The following HECW1 variants were observed in gnomAD, a reference collection of about 807,000 sequenced individuals.
The protein encoded by HECW1 is E3 ubiquitin-protein ligase HECW1.
Under a neutral mutation model 182.3 loss-of-function variants are expected in HECW1, and 61 were observed. The observed-to-expected ratio is 0.33, with a 90% CI of 0.27 to 0.41. The LOEUF is 0.41. Ranked by LOEUF, HECW1 falls within the 10% of genes least tolerant of loss-of-function variation. The pLI, the probability that HECW1 is intolerant of heterozygous loss-of-function variation, is 1.00. For missense variants in HECW1, 1,739 were observed against 2,108.9 expected (o/e 0.82, Z 3.44); for synonymous variants, 859 against 832.6 (o/e 1.03, Z -0.55).
chr7:43,235,591 T>G (rs914086912), intron 2 of HECW1, among the ~76,000 whole-genome samples: 1 of 152,174 alleles, frequency 6.6e-6, no homozygotes, highest in African/African-American at 2.4e-5. Flanking sequence ...AAACAGGAAT[T>G]TAATCCATAC....
chr7:43,474,113 AGTG>A (rs898310265), intron 16 of HECW1, among the ~76,000 whole-genome samples: 22 of 152,198 alleles, frequency 1.4e-4, no homozygotes, highest in African/African-American at 4.8e-4. Flanking sequence ...CAGAAAAACC[AGTG>A]GTGATGTATT....
intron 3 of HECW1, among the ~76,000 whole-genome samples, chr7:43,291,297 C>T (rs1353400929): frequency 6.6e-6 from 1 of 152,186 alleles, no homozygotes; most frequent in African/African-American, 2.4e-5. Context: ...CTGTGTCTTG[C>T]ATCCATTGGC....
intron 3 of HECW1, among the ~76,000 whole-genome samples, chr7:43,290,659 G>T (rs1415152259): frequency 6.6e-6 from 1 of 152,156 alleles, no homozygotes; most frequent in East Asian, 1.9e-4. Flanking sequence ...TTTATTTTTG[G>T]TTTACAGTCC....
intron 5 of HECW1, among the ~76,000 whole-genome samples, chr7:43,348,598 A>G (rs1813988881): frequency 1.3e-5 from 2 of 152,004 alleles, no homozygotes; most frequent in South Asian, 2.1e-4. Context: ...TCCTTGAGAT[A>G]TGACTTAAAC....
At chr7:43,394,479 T>A (rs2075158011) in intron 6 of HECW1, among the ~76,000 whole-genome samples, 1 of 152,214 alleles carries the variant, frequency 6.6e-6, no homozygotes, top group South Asian at 2.1e-4. Flanking sequence ...ATTTGGGTGA[T>A]GTTAACTGGG....
At chr7:43,200,955 T>C (rs548190428) in intron 2 of HECW1, among the ~76,000 whole-genome samples, 1 of 152,340 alleles carries the variant, frequency 6.6e-6, no homozygotes, top group East Asian at 1.9e-4. Flanking sequence ...TAACCCTTTC[T>C]TCATTTTCCA....
chr7:43,175,318 T>C (rs1034713521), intron 2 of HECW1, among the ~76,000 whole-genome samples: 1 of 152,202 alleles, frequency 6.6e-6, no homozygotes. Context: ...AATACATTGT[T>C]ATAGCTACAG....
intron 24 of HECW1, chr7:43,510,840 C>G (rs1004515674): frequency 3.9e-5 from 6 of 152,146 alleles, no homozygotes; most frequent in African/African-American, 1.4e-4. Flanking sequence ...AGTGCAGCCA[C>G]AAAATAAGGC....
At chr7:43,457,791 A>T (rs1271507891) in intron 13 of HECW1, among the ~76,000 whole-genome samples, 1 of 151,934 alleles carries the variant, frequency 6.6e-6, no homozygotes, top group Non-Finnish European at 1.5e-5. Context: ...AAAAAAACAA[A>T]CAAAAAACAT....
At chr7:43,121,998 C>T (rs1785670977) in intron 2 of HECW1, 1 of 152,162 alleles carries the variant, frequency 6.6e-6, no homozygotes, top group African/African-American at 2.4e-5. Flanking sequence ...CATGTTGTGT[C>T]CACAAAATGC....
chr7:43,205,372 T>G (rs1562672355), intron 2 of HECW1, among the ~76,000 whole-genome samples: 1 of 152,206 alleles, frequency 6.6e-6, no homozygotes, highest in Admixed American at 6.5e-5. Context: ...TCGGCAGCAT[T>G]GAGTTTTCTC....
At chr7:43,250,595 T>G (rs981633143) in intron 3 of HECW1, among the ~76,000 whole-genome samples, 2 of 152,092 alleles carry the variant, frequency 1.3e-5, no homozygotes, top group Non-Finnish European at 2.9e-5. Context: ...GCCAGGAACG[T>G]CCTGTGTGTA....
intron 7 of HECW1, among the ~76,000 whole-genome samples, chr7:43,403,416 G>C (rs1225705175): frequency 6.6e-6 from 1 of 152,190 alleles, no homozygotes; most frequent in Non-Finnish European, 1.5e-5. Flanking sequence ...TTATTATGCA[G>C]ATTCGTCTGG....
intron 8 of HECW1, among the ~76,000 whole-genome samples, chr7:43,410,790 T>A (rs959885511): frequency 1.3e-5 from 2 of 152,206 alleles, no homozygotes; most frequent in African/African-American, 4.8e-5. Context: ...TTGTTTGGCA[T>A]AAAGTTGTTC....
intron 12 of HECW1, among the ~76,000 whole-genome samples, chr7:43,455,116 CTTTTTGTTTTCTTTT>C (rs920388029): frequency 1.3e-5 from 2 of 149,256 alleles, no homozygotes; most frequent in South Asian, 2.2e-4. Flanking sequence ...ATGCTTCCAC[CTTTTTGTTTTCTTTT>C]TTTTTGTTTT....
chr7:43,134,122 C>T (rs962508718), intron 2 of HECW1, among the ~76,000 whole-genome samples: 5 of 151,860 alleles, frequency 3.3e-5, no homozygotes, highest in South Asian at 2.1e-4. Context: ...AATTTGTGGC[C>T]GGGCATGGTG....
At chr7:43,546,558 T>G (rs1344279448) in intron 26 of HECW1, among the ~76,000 whole-genome samples, 2 of 151,796 alleles carry the variant, frequency 1.3e-5, no homozygotes, top group African/African-American at 4.8e-5. Context: ...GTAGACCACT[T>G]TGATGCCTTG....
intron 2 of HECW1, chr7:43,241,002 A>G (rs1024277414): frequency 2.6e-5 from 4 of 152,322 alleles, no homozygotes; most frequent in African/African-American, 9.7e-5. Flanking sequence ...GGCTGTGTAT[A>G]GCTGTGTGTA....
intron 12 of HECW1, among the ~76,000 whole-genome samples, chr7:43,454,900 T>C (rs763944170): frequency 5.9e-5 from 9 of 152,226 alleles, no homozygotes; most frequent in Non-Finnish European, 1.2e-4. Flanking sequence ...CTTCTTCTTC[T>C]TTAGTCTTGT....
Sources: allele counts gnomAD v4.1 joint callset (sites outside exome capture counted in the v4.1 genomes callset), GRCh38; gene constraint gnomAD v4.1.1; transcripts MANE v1.5; gene names NCBI Gene and HGNC (gene_info 2026-07-23, HGNC 2026-07-21).